ATP8A2: variants seen among roughly 807,000 people sequenced by gnomAD.
ATP8A2 encodes ATPase phospholipid transporting 8A2, also known as phospholipid-transporting ATPase IB.
A neutral mutation model predicts 165.6 loss-of-function variants in ATP8A2; 100 were observed. The ratio of observed to expected loss-of-function variants is 0.60; its 90% confidence interval spans 0.51 to 0.71. The LOEUF (loss-of-function observed/expected upper bound fraction) is 0.71. Ranked by LOEUF, ATP8A2 falls within the 30% of genes least tolerant of loss-of-function variation. The pLI is 0.00. For missense variants in ATP8A2, 1,227 were observed against 1,479.5 expected, an observed-to-expected ratio of 0.83 and a Z score of 2.80; for synonymous variants, 543 against 548.8, an observed-to-expected ratio of 0.99 and a Z score of 0.15.
chr13:25,802,784 C>T (rs1432736525), intron 27 of ATP8A2, among the ~76,000 whole-genome samples: 1 of 152,190 alleles, frequency 6.6e-6, no homozygotes, highest in Non-Finnish European at 1.5e-5. Context: ...TGAAGTTCCA[C>T]TTCCCTTTCA....
intron 33 of ATP8A2, among the ~76,000 whole-genome samples, chr13:25,916,090 T>A (rs1954260589): frequency 6.6e-6 from 1 of 152,334 alleles, no homozygotes; most frequent in African/African-American, 2.4e-5. Context: ...TTTGAAAACA[T>A]TTTCCACCAA....
chr13:25,484,905 A>G (rs2036306312), intron 2 of ATP8A2, among the ~76,000 whole-genome samples: 1 of 152,272 alleles, frequency 6.6e-6, no homozygotes, highest in Non-Finnish European at 1.5e-5. Context: ...ATTGCTGTCT[A>G]GCATATGAAA....
At chr13:25,941,081 G>A (rs1031225144) in intron 33 of ATP8A2, among the ~76,000 whole-genome samples, 5 of 152,096 alleles carry the variant, frequency 3.3e-5, no homozygotes, top group South Asian at 2.1e-4. Flanking sequence ...TCTCCAGATC[G>A]AGAACTTTCT....
intron 1 of ATP8A2, among the ~76,000 whole-genome samples, chr13:25,375,817 C>T (rs2032603930): frequency 6.6e-6 from 1 of 152,142 alleles, no homozygotes; most frequent in Non-Finnish European, 1.5e-5. Flanking sequence ...GTGATCCACC[C>T]ACCTCGACCT....
At chr13:25,549,227 A>G (rs2038744659) in intron 10 of ATP8A2, among the ~76,000 whole-genome samples, 1 of 152,154 alleles carries the variant, frequency 6.6e-6, no homozygotes, top group South Asian at 2.1e-4. Context: ...TGGGAGGCCA[A>G]GACGGGCAGA....
intron 10 of ATP8A2, among the ~76,000 whole-genome samples, chr13:25,546,658 A>T (rs2038660067): frequency 6.6e-6 from 1 of 152,210 alleles, no homozygotes; most frequent in Non-Finnish European, 1.5e-5. Flanking sequence ...AGCGATTATC[A>T]CACTAATTAC....
Position 25,392,912 on chromosome 13 carries a change from C to T in ATP8A2, c.76+20624C>T, listed in dbSNP as rs76299106. Among the ~76,000 whole-genome samples, 147 of 147,776 alleles carry T rather than the reference C, an allele frequency of 9.9e-4. 2 individuals carry two copies. Among genetic ancestry groups the T allele is most frequent in the African/African-American group, 3.6e-3 (144 of 40,392 alleles). Reference sequence around the variant, plus strand: ...GCAAAACAATGAAGCCTCATCTCTACAAAAAAAAAACAAAAAAGAAAAATG... The same window carrying T: ...GCAAAACAATGAAGCCTCATCTCTATAAAAAAAAAACAAAAAAGAAAAATG... On this transcript the variant is annotated intron_variant, in intron 1 of 36. Coordinates refer to ENST00000381655, the MANE Select transcript of ATP8A2 (RefSeq NM_016529.6).
intron 36 of ATP8A2, 95 bp from the exon 37 acceptor site, chr13:26,019,793 C>T (rs1957056036): frequency 1.2e-6 from 1 of 818,704 alleles, no homozygotes; most frequent in Non-Finnish European, 2.1e-6. Context: ...GTCGCACTCA[C>T]CCGCACGCTG....
intron 11 of ATP8A2, 50 bp from the exon 12 acceptor site, chr13:25,553,743 A>G (rs764090134): frequency 1.9e-6 from 3 of 1,571,282 alleles, no homozygotes; most frequent in Admixed American, 3.6e-5. Flanking sequence ...AAATGAGCCA[A>G]TAGACTTTGG....
chr13:25,776,082 C>T (rs1254856467), intron 27 of ATP8A2, among the ~76,000 whole-genome samples: 1 of 152,214 alleles, frequency 6.6e-6, no homozygotes, highest in Non-Finnish European at 1.5e-5. Flanking sequence ...GTAAATGAAG[C>T]AGAAACATAA....
At chr13:25,527,122 G>T (rs918770121) in intron 2 of ATP8A2, among the ~76,000 whole-genome samples, 1 of 152,016 alleles carries the variant, frequency 6.6e-6, no homozygotes, top group South Asian at 2.1e-4. Flanking sequence ...TGTAAATTTG[G>T]TTTTTGTTTT....
chr13:25,525,130 C>T (rs2037801359), intron 2 of ATP8A2, among the ~76,000 whole-genome samples: 1 of 151,930 alleles, frequency 6.6e-6, no homozygotes, highest in African/African-American at 2.4e-5. Context: ...AAAGAGATGA[C>T]AACTTAACTT....
chr13:25,685,059 C>T (rs532245566), intron 24 of ATP8A2, among the ~76,000 whole-genome samples: 1 of 152,174 alleles, frequency 6.6e-6, no homozygotes, highest in Non-Finnish European at 1.5e-5. Context: ...CAAATTGACT[C>T]CTCCTGCTTG....
chr13:25,428,666 A>G (rs1444467563), intron 1 of ATP8A2, among the ~76,000 whole-genome samples: 1 of 152,060 alleles, frequency 6.6e-6, no homozygotes, highest in African/African-American at 2.4e-5. Flanking sequence ...TGTTGGGGCA[A>G]TGCTCGCAAG....
At chr13:25,853,464 A>G (rs1952070013) in intron 30 of ATP8A2, among the ~76,000 whole-genome samples, 1 of 149,620 alleles carries the variant, frequency 6.7e-6, no homozygotes, top group South Asian at 2.1e-4. Context: ...TATTGTGTGT[A>G]TATCCATAAA....
intron 24 of ATP8A2, among the ~76,000 whole-genome samples, chr13:25,595,121 A>G (rs2040203183): frequency 6.6e-6 from 1 of 152,018 alleles, no homozygotes; most frequent in South Asian, 2.1e-4. Flanking sequence ...GTAATTAAAC[A>G]AATTGTGAAA....
At chr13:25,748,671 T>C (rs187139198) in intron 25 of ATP8A2, among the ~76,000 whole-genome samples, 79 of 152,304 alleles carry the variant, frequency 5.2e-4, no homozygotes, top group African/African-American at 1.9e-3. Context: ...AGCATGGGTT[T>C]AGATGTTTCT....
chr13:25,588,310 C>T (rs2039979045), intron 23 of ATP8A2, among the ~76,000 whole-genome samples: 1 of 152,094 alleles, frequency 6.6e-6, no homozygotes. Flanking sequence ...CCCCAAAAAC[C>T]CACAACATGG....
intron 33 of ATP8A2, among the ~76,000 whole-genome samples, chr13:25,926,294 G>T (rs1207003718): frequency 2.0e-5 from 3 of 152,006 alleles, no homozygotes; most frequent in African/African-American, 4.8e-5. Flanking sequence ...GAGCAGGGTC[G>T]TCTATTTTTC....
Sources: gnomAD v4.1 joint callset for allele counts (sites outside exome capture counted in the v4.1 genomes callset) on GRCh38, gnomAD v4.1.1 for gene constraint, MANE v1.5 for transcripts, NCBI Gene and HGNC (gene_info 2026-07-23, HGNC 2026-07-21) for gene names.